MYO1H: variants seen among roughly 807,000 people sequenced by gnomAD.
MYO1H encodes the protein myosin IH.
Under a neutral mutation model 149.3 loss-of-function variants are expected in MYO1H, and 118 were observed. The ratio of observed to expected loss-of-function variants is 0.79; its 90% CI spans 0.68 to 0.92. The LOEUF is 0.92. Among genes scored for constraint, MYO1H ranks in the 40% least tolerant of loss-of-function variants. MYO1H has a pLI of 0.00. For missense variants in MYO1H, 1,212 were observed against 1,280.7 expected (o/e 0.95, Z 0.82); for synonymous variants, 447 against 465.2 (o/e 0.96, Z 0.50).
At chr12:109,364,766 T>A (rs1868832954) in intron 1 of MYO1H, among the ~76,000 whole-genome samples, 1 of 152,006 alleles carries the variant, frequency 6.6e-6, no homozygotes, top group Non-Finnish European at 1.5e-5. Context: ...AGCAATACAT[T>A]TTTTTTTCCA....
chr12:109,439,652 T>C, exon 24 of MYO1H: 1 of 1,612,940 alleles, frequency 6.2e-7, no homozygotes. Flanking sequence ...GATTCATCAG[T>C]CGCAACAAAC....
At chr12:109,359,826 G>A (rs778882919) in intron 1 of MYO1H, among the ~76,000 whole-genome samples, 13 of 152,320 alleles carry the variant, frequency 8.5e-5, no homozygotes, top group South Asian at 6.2e-4. Flanking sequence ...ATCAAAGGGC[G>A]TCTTTGGCAA....
intron 20 of MYO1H, among the ~76,000 whole-genome samples, chr12:109,433,990 C>T (rs1398874725): frequency 6.6e-6 from 1 of 152,134 alleles, no homozygotes; most frequent in East Asian, 1.9e-4. Context: ...TGTAACTTCT[C>T]TCTGCTGGCT....
chr12:109,337,375 T>C, the MYO1H span, among the ~76,000 whole-genome samples: 1 of 152,152 alleles, frequency 6.6e-6, no homozygotes. Context: ...CCCACCTCGA[T>C]AGGATGTGTT....
chr12:109,327,487 C>T, the MYO1H span, among the ~76,000 whole-genome samples: 4 of 151,604 alleles, frequency 2.6e-5, no homozygotes, highest in Non-Finnish European at 4.4e-5. Flanking sequence ...CGACGGCTCA[C>T]GCCTGTAATA....
intron 1 of MYO1H, among the ~76,000 whole-genome samples, chr12:109,363,727 A>C (rs746095607): frequency 8.6e-5 from 13 of 152,042 alleles, no homozygotes; most frequent in African/African-American, 2.2e-4. Flanking sequence ...AAAAAGAAGA[A>C]GACGCGTCTT....
At chr12:109,338,714 TGA>T in the MYO1H span, among the ~76,000 whole-genome samples, 2 of 138,042 alleles carry the variant, frequency 1.4e-5, no homozygotes, top group Non-Finnish European at 3.0e-5. Flanking sequence ...TGCAGCGAGC[TGA>T]GATTGTGCCA....
chr12:109,339,949 A>G, the MYO1H span, among the ~76,000 whole-genome samples: 1 of 152,200 alleles, frequency 6.6e-6, no homozygotes, highest in African/African-American at 2.4e-5. Flanking sequence ...CGACTCAGTA[A>G]TTCAACTTAT....
At chr12:109,397,650 G>T (rs1283628369) in intron 4 of MYO1H, 82 bp from the exon 5 acceptor site, 2 of 1,090,136 alleles carry the variant, frequency 1.8e-6, no homozygotes, top group Admixed American at 2.7e-5. Flanking sequence ...CTCCATTTTT[G>T]TAATAAGTGT....
rs377328976 is a variant in MYO1H, at chr12:109,393,391, G to A, written c.235G>A (p.Val79Met). The A allele has an allele frequency of 1.0e-4, 160 of 1,589,594 alleles. 1 individual carries two copies. The Middle Eastern group carries it at 3.3e-3, about 33-fold the overall frequency. Residue 79 changes from valine (V) to methionine (M), a missense_variant, in exon 3 of 32, where the codon GTG (valine) becomes ATG (methionine). Coordinates refer to ENST00000310903, the Ensembl canonical transcript of MYO1H. ...ATACCAGGAGCTCGGAATCTACACTGTGAGCCAGATGGAACTTTATCAAGG... is the reference window on the plus strand; with the variant it reads ...ATACCAGGAGCTCGGAATCTACACTATGAGCCAGATGGAACTTTATCAAGG...
chr12:109,403,883 C>T (rs989646745), intron 6 of MYO1H, 99 bp from the exon 7 acceptor site: 1 of 730,268 alleles, frequency 1.4e-6, no homozygotes, highest in Non-Finnish European at 2.4e-6. Flanking sequence ...CAATTCAGTA[C>T]ATTATATAGG....
At chr12:109,327,739 C>CAAAA in the MYO1H span, among the ~76,000 whole-genome samples, 23,534 of 85,152 alleles carry the variant, frequency 0.28, 3,095 homozygotes, top group Admixed American at 0.36. Context: ...AAAACTGTCT[C>CAAAA]AAAAAAAAAA....
rs1318990159 is a variant in MYO1H at position 109,442,803 on chromosome 12, T to TGCC, written c.2688+531_2688+532insGCC. Among the ~76,000 whole-genome samples, 3 of 115,786 alleles carry TGCC rather than the reference T, an allele frequency of 2.6e-5. No individual in the cohort carries two copies. The East Asian group carries it at 7.0e-4, about 27-fold the overall frequency. 76.0% of individuals were successfully genotyped at this position (115,786 alleles called of 152,430 possible). On this transcript the variant is annotated intron_variant, in intron 27 of 31. Transcript: ENST00000310903. ...GTGTGCCAGTGTCTGCTCTTTTTTTTTTTTTTTTTTTTTTTGTTCCCTGGG... is the reference window on the plus strand; with the variant it reads ...GTGTGCCAGTGTCTGCTCTTTTTTTTGCCTTTTTTTTTTTTTTTGTTCCCTGGG...
chr12:109,409,819 C>T lies in MYO1H; in HGVS notation c.1224-144C>T, dbSNP rs965370857. On this transcript the variant is annotated intron_variant, in intron 11 of 31. Transcript: ENST00000310903. The stretch of plus-strand genomic sequence containing the variant: ...AATGCAAATATATTTTCACTTGACT[C>T]TTATGATCTATTTAGTAAATTATTT... 4.5e-6 allele frequency: 3 copies of T among 667,008 alleles called. No homozygotes were observed. In the African/African-American group the frequency reaches 5.5e-5, roughly 12 times the overall value. 41.3% of individuals were successfully genotyped at this position (667,008 alleles called of 1,614,324 possible). A position where few individuals can be genotyped will look rare whatever the true frequency, so the allele number is the denominator to read the frequency against.
exon 31 of MYO1H, chr12:109,445,515 T>C: frequency 6.2e-7 from 1 of 1,608,382 alleles, no homozygotes; most frequent in Middle Eastern, 1.7e-4. Context: ...ATTTTAAGTT[T>C]ACAGTTTTTT....
intron 25 of MYO1H, 46 bp downstream of exon 25, chr12:109,440,873 A>C: frequency 7.3e-7 from 1 of 1,367,882 alleles, no homozygotes; most frequent in Middle Eastern, 2.0e-4. Flanking sequence ...GGTGGGTGTA[A>C]GAGTGGGTCC....
chr12:109,409,859 T>C lies in MYO1H; in HGVS notation c.1224-104T>C, dbSNP rs139405649. ...GTAAATTATTTTATTAATGAGGACT[T>C]TGCTTTTTCTTTATTAAAAAGTATG... On this transcript the variant is annotated intron_variant, in intron 11 of 31. Transcript: ENST00000310903. 4.9e-4 allele frequency: 350 copies of C among 717,694 alleles called. 1 individual carries two copies. The African/African-American group carries it at 5.3e-3, about 11-fold the overall frequency. 44.5% of individuals were successfully genotyped at this position (717,694 alleles called of 1,614,324 possible). A position where few individuals can be genotyped will look rare whatever the true frequency, so the allele number is the denominator to read the frequency against.
chr12:109,342,694 C>T, the MYO1H span, among the ~76,000 whole-genome samples: 2 of 151,592 alleles, frequency 1.3e-5, no homozygotes, highest in East Asian at 2.0e-4. Flanking sequence ...AGGTGCACAC[C>T]ACCATGTCTG....
At chr12:109,392,558 A>G (rs1413904566) in intron 2 of MYO1H, among the ~76,000 whole-genome samples, 1 of 151,958 alleles carries the variant, frequency 6.6e-6, no homozygotes, top group Non-Finnish European at 1.5e-5. Context: ...CTGCATCTCT[A>G]CTAAAAATAC....
Sources: allele counts gnomAD v4.1 joint callset (sites outside exome capture counted in the v4.1 genomes callset), GRCh38; gene constraint gnomAD v4.1.1; transcripts MANE v1.5; gene names NCBI Gene and HGNC (gene_info 2026-07-23, HGNC 2026-07-21).